VRK1: variants seen among roughly 807,000 people sequenced by gnomAD.
The protein encoded by VRK1 is VRK serine/threonine kinase 1.
VRK1 carries 33 observed loss-of-function variants against 57.1 expected under a neutral mutation model. That is an observed-to-expected ratio of 0.58 (90% CI 0.44 to 0.77). The LOEUF is 0.77. Ranked by LOEUF, VRK1 falls within the 30% of genes least tolerant of loss-of-function variation. The pLI, the probability that VRK1 is intolerant of heterozygous loss-of-function variation, is 0.00. For missense variants in VRK1, 413 were observed against 477.3 expected (o/e 0.87, Z 1.25); for synonymous variants, 137 against 147.8 (o/e 0.93, Z 0.53).
intron 7 of VRK1, among the ~76,000 whole-genome samples, chr14:96,854,188 T>C (rs903912694): frequency 6.6e-6 from 1 of 152,154 alleles, no homozygotes; most frequent in Non-Finnish European, 1.5e-5. Flanking sequence ...CATTTCTTTT[T>C]AGATATTTCT....
At chr14:96,879,096 AC>A (rs1367970542) in intron 12 of VRK1, among the ~76,000 whole-genome samples, 9 of 151,914 alleles carry the variant, frequency 5.9e-5, no homozygotes, top group Non-Finnish European at 1.2e-4. Flanking sequence ...TTTTTTTCCT[AC>A]TGCATTATAA....
intron 5 of VRK1, among the ~76,000 whole-genome samples, chr14:96,850,535 T>C (rs886108395): frequency 6.6e-6 from 1 of 152,206 alleles, no homozygotes; most frequent in African/African-American, 2.4e-5. Flanking sequence ...ATGTTTATGA[T>C]TTAGGTATGG....
intron 1 of VRK1, among the ~76,000 whole-genome samples, chr14:96,808,030 T>TCTCC (rs1566683667): frequency 1.6e-4 from 21 of 128,310 alleles, no homozygotes; most frequent in Non-Finnish European, 2.4e-4. Context: ...TGTGTGTGTG[T>TCTCC]GTGTGTGTGT....
intron 7 of VRK1, among the ~76,000 whole-genome samples, chr14:96,854,561 C>T (rs1021663893): frequency 1.3e-5 from 2 of 152,060 alleles, no homozygotes; most frequent in African/African-American, 4.8e-5. Context: ...GCTAATCAGA[C>T]CCACATGTAT....
chr14:96,870,799 C>T (rs775212232), intron 11 of VRK1, among the ~76,000 whole-genome samples: 2 of 152,270 alleles, frequency 1.3e-5, no homozygotes, highest in Admixed American at 6.5e-5. Context: ...GCTTGTTTCA[C>T]AGCTAATCTG....
In VRK1 at chr14:96,798,495, A is replaced by G. The variant is rs150541572; in HGVS notation, c.-6+1048A>G. Among the ~76,000 whole-genome samples the G allele has an allele frequency of 4.5e-4, 69 of 152,204 alleles. 2 individuals are homozygous for G. The East Asian group carries it at 0.012, about 27-fold the overall frequency. On this transcript the variant is annotated intron_variant, in intron 1 of 12. Transcript: ENST00000216639. The stretch of plus-strand genomic sequence containing the variant: ...TTTCTTGGAACAACTTGGAAATACA[A>G]TTTGCTATTGGGAGGATGTTGGTTT...
intron 5 of VRK1, among the ~76,000 whole-genome samples, chr14:96,848,257 G>A (rs992091789): frequency 1.3e-5 from 2 of 152,128 alleles, no homozygotes; most frequent in Non-Finnish European, 2.9e-5. Context: ...GTACCCAAGG[G>A]CAGAAAATGG....
chr14:96,880,408 A>G (rs1224290578), intron 12 of VRK1, among the ~76,000 whole-genome samples: 1 of 152,190 alleles, frequency 6.6e-6, no homozygotes, highest in South Asian at 2.1e-4. Context: ...AGCATGCGGC[A>G]GTGGGAAAGA....
At chr14:96,849,501 A>G (rs369299258) in intron 5 of VRK1, among the ~76,000 whole-genome samples, 10 of 152,116 alleles carry the variant, frequency 6.6e-5, no homozygotes, top group Admixed American at 2.0e-4. Context: ...ACACCAAACA[A>G]ATCTAGCACT....
At position 96,873,220 on chromosome 14, in the gene VRK1, G is replaced by T. The variant is rs114388662; in HGVS notation, c.1069-2810G>T. The stretch of plus-strand genomic sequence containing the variant: ...TTGGTCTTTGGTTTTTGCTTCTGAA[G>T]ATTTTTTTTCTCTTTTCTATTAAAA... On this transcript the variant is annotated intron_variant, in intron 11 of 12. Coordinates refer to ENST00000216639, the MANE Select transcript of VRK1 (RefSeq NM_003384.3). Among the ~76,000 whole-genome samples the T allele has an allele frequency of 6.8e-3, 1,036 of 152,222 alleles. 11 individuals carry two copies. The highest frequency in any genetic ancestry group is 0.027 in the Middle Eastern group (8 of 294).
At chr14:96,865,594 T>C (rs1320333199) in intron 11 of VRK1, among the ~76,000 whole-genome samples, 1 of 152,186 alleles carries the variant, frequency 6.6e-6, no homozygotes, top group Non-Finnish European at 1.5e-5. Flanking sequence ...CTTTACTCTA[T>C]AGAGCAATTC....
In VRK1 at chr14:96,847,065, G is replaced by T. The variant is rs10145354; in HGVS notation, c.287-192G>T. Among the ~76,000 whole-genome samples the T allele has an allele frequency of 0.13, 19,760 of 152,038 alleles. 1,633 individuals carry two copies. Among genetic ancestry groups the T allele is most frequent in the Non-Finnish European group, 0.19 (12,891 of 67,934 alleles). On this transcript the variant is annotated intron_variant, in intron 4 of 12. Transcript: ENST00000216639. ...ATTTTAAGGGCAGGATAACAATTTT[G>T]TAGGTTAATAAAAATGTTTTCATCG...
chr14:96,833,781 G>T (rs773313473), intron 2 of VRK1, 150 bp downstream of exon 2: 5 of 1,134,860 alleles, frequency 4.4e-6, no homozygotes, highest in African/African-American at 1.6e-5. Flanking sequence ...CATCTCTGAC[G>T]TAGGAGTGGA....
At chr14:96,817,612 T>C (rs78597645) in intron 1 of VRK1, among the ~76,000 whole-genome samples, 2,795 of 152,224 alleles carry the variant, frequency 0.018, 99 homozygotes, top group African/African-American at 0.064. Context: ...CCCAAGACTA[T>C]ATAGGGAAAA....
intron 1 of VRK1, among the ~76,000 whole-genome samples, chr14:96,803,462 G>A (rs141683176): frequency 1.3e-5 from 2 of 152,110 alleles, no homozygotes; most frequent in Non-Finnish European, 2.9e-5. Flanking sequence ...GTGAGCCACC[G>A]CATCTGGCCG....
At chr14:96,871,928 C>G (rs1030222721) in intron 11 of VRK1, among the ~76,000 whole-genome samples, 1 of 152,034 alleles carries the variant, frequency 6.6e-6, no homozygotes, top group Non-Finnish European at 1.5e-5. Context: ...TCAAGCAGTT[C>G]TTCTGCCTCA....
chr14:96,840,297 A>T (rs982204632), intron 3 of VRK1, among the ~76,000 whole-genome samples: 1 of 152,096 alleles, frequency 6.6e-6, no homozygotes, highest in Non-Finnish European at 1.5e-5. Context: ...TGAAAATAGA[A>T]ATTTTCTGTT....
chr14:96,840,797 T>G (rs1383938847), intron 3 of VRK1, among the ~76,000 whole-genome samples: 6 of 152,096 alleles, frequency 3.9e-5, no homozygotes. Flanking sequence ...AGTGTGCCAG[T>G]GTCATATCTT....
intron 7 of VRK1, among the ~76,000 whole-genome samples, chr14:96,853,778 A>G (rs1459400725): frequency 2.6e-5 from 4 of 152,228 alleles, no homozygotes; most frequent in African/African-American, 7.2e-5. Flanking sequence ...ATTTTCCTGT[A>G]TAACTGTTTC....
Sources: gnomAD v4.1 joint callset for allele counts (sites outside exome capture counted in the v4.1 genomes callset) on GRCh38, gnomAD v4.1.1 for gene constraint, MANE v1.5 for transcripts, NCBI Gene and HGNC (gene_info 2026-07-23, HGNC 2026-07-21) for gene names.